ZNF407: variants seen among roughly 807,000 people sequenced by gnomAD.
ZNF407 encodes zinc finger protein 407.
ZNF407 carries 17 observed loss-of-function variants against 131.2 expected under a neutral mutation model. The observed-to-expected ratio is 0.13, with a 90% CI of 0.09 to 0.19. ZNF407 has a LOEUF of 0.19. Among genes scored for constraint, ZNF407 ranks in the 10% least tolerant of loss-of-function variants. The pLI, the probability that ZNF407 is intolerant of heterozygous loss-of-function variation, is 1.00. For synonymous variants in ZNF407, 1,156 were observed against 1,062.0 expected (o/e 1.09, Z -1.72); for missense variants, 2,681 against 2,830.6 (o/e 0.95, Z 1.20).
chr18:74,949,142 A>T lies in ZNF407; in HGVS notation c.5428+28450A>T, dbSNP rs139978689. ...GATAGTACAGAAGAAACTATTTATG[A>T]TATTTTCAGTAGGTACATTTCTTTC... On this transcript the variant is annotated intron_variant, in intron 8 of 8. Coordinates refer to ENST00000299687, the MANE Select transcript of ZNF407 (RefSeq NM_017757.3). Among the ~76,000 whole-genome samples, 143 of 152,360 alleles carry T rather than the reference A, an allele frequency of 9.4e-4. 2 individuals are homozygous for T. The highest frequency in any genetic ancestry group is 3.2e-3 in the African/African-American group (133 of 41,588).
At chr18:74,617,085 A>T (rs1599132844) in intron 1 of ZNF407, among the ~76,000 whole-genome samples, 28 of 73,074 alleles carry the variant, frequency 3.8e-4, no homozygotes, top group East Asian at 3.7e-4. Context: ...ACACATCCAT[A>T]TCCATGCACC....
At chr18:74,941,754 A>G (rs1455613651) in intron 8 of ZNF407, among the ~76,000 whole-genome samples, 1 of 152,184 alleles carries the variant, frequency 6.6e-6, no homozygotes. Context: ...GTAGGCTAGG[A>G]TACTTAGCTT....
intron 4 of ZNF407, among the ~76,000 whole-genome samples, chr18:74,798,111 A>C (rs1235665227): frequency 6.6e-6 from 1 of 152,028 alleles, no homozygotes; most frequent in Non-Finnish European, 1.5e-5. Flanking sequence ...TCTGAATCAT[A>C]AAATACAAAC....
At position 74,634,623 on chromosome 18, in the gene ZNF407, A is replaced by T. The variant is rs1302092964; in HGVS notation, c.3604A>T (p.Asn1202Tyr). The T allele has an allele frequency of 6.2e-7, 1 of 1,613,966 alleles. No homozygotes were observed. The highest frequency in any genetic ancestry group is 2.2e-5 in the East Asian group (1 of 44,874). Residue 1202 changes from asparagine to tyrosine, a missense_variant, in exon 2 of 9, where the codon AAT (asparagine) becomes TAT (tyrosine). This residue lies in a region of ZNF407 where 1,789 missense variants were observed against 1,748.7 expected (regional missense o/e 1.02). Transcript: ENST00000299687. The part of the protein sequence containing the change: ...YGSPSRFQNE[N>Y]SGSSALNCET... Reference sequence around the variant, plus strand: ...CTCCCCAAGCAGATTTCAAAATGAAAATTCAGGAAGCTCTGCCTTAAATTG... The same window carrying T: ...CTCCCCAAGCAGATTTCAAAATGAATATTCAGGAAGCTCTGCCTTAAATTG...
intron 3 of ZNF407, among the ~76,000 whole-genome samples, chr18:74,687,519 T>C (rs535432129): frequency 1.3e-5 from 2 of 151,892 alleles, no homozygotes; most frequent in Non-Finnish European, 1.5e-5. Context: ...AGAGAAGAGA[T>C]TTACTATATT....
chr18:75,060,733 C>A (rs549180272), intron 8 of ZNF407, among the ~76,000 whole-genome samples: 9 of 151,830 alleles, frequency 5.9e-5, no homozygotes, highest in South Asian at 4.2e-4. Flanking sequence ...TCTCGATCTC[C>A]TGACCTCGTG....
intron 8 of ZNF407, among the ~76,000 whole-genome samples, chr18:74,945,534 C>T (rs1019969897): frequency 1.3e-5 from 2 of 152,036 alleles, no homozygotes; most frequent in Non-Finnish European, 2.9e-5. Flanking sequence ...TTTAATATGT[C>T]GCAGTTAGAA....
intron 8 of ZNF407, among the ~76,000 whole-genome samples, chr18:75,040,647 T>C (rs541753042): frequency 9.2e-5 from 14 of 152,360 alleles, no homozygotes; most frequent in Middle Eastern, 6.8e-3. Flanking sequence ...TGTGATACTC[T>C]GCAGATAGAC....
intron 7 of ZNF407, among the ~76,000 whole-genome samples, chr18:74,894,652 G>A (rs1344397169): frequency 6.6e-6 from 1 of 151,914 alleles, no homozygotes; most frequent in Non-Finnish European, 1.5e-5. Context: ...TGATTTATAG[G>A]GGATATATAA....
chr18:74,999,637 TA>T, intron 8 of ZNF407, among the ~76,000 whole-genome samples: 1 of 152,354 alleles, frequency 6.6e-6, no homozygotes, highest in South Asian at 2.1e-4. Context: ...TCAAATCTCA[TA>T]AAGATTGCTG....
intron 8 of ZNF407, among the ~76,000 whole-genome samples, chr18:74,980,737 A>G (rs978318863): frequency 1.3e-5 from 2 of 152,170 alleles, no homozygotes; most frequent in Non-Finnish European, 2.9e-5. Context: ...ATTTTTTTAC[A>G]TAAGAATATG....
intron 3 of ZNF407, among the ~76,000 whole-genome samples, chr18:74,687,909 G>A (rs1196189440): frequency 1.3e-5 from 2 of 151,952 alleles, no homozygotes; most frequent in African/African-American, 4.8e-5. Flanking sequence ...TCTTACTACT[G>A]TTAATTAATA....
Position 74,625,852 on chromosome 18 carries a change from A to T in ZNF407, c.-53-5115A>T, listed in dbSNP as rs78692378. On this transcript the variant is annotated intron_variant, in intron 1 of 8. Transcript: ENST00000299687. ...CTTGGAACTGTTCTAGGCTCTTGGG[A>T]TATATGGCTGGATAAAATAAATCAT... Among the ~76,000 whole-genome samples, 584 of 152,320 alleles carry T rather than the reference A, an allele frequency of 3.8e-3. 1 individual carries two copies. Among genetic ancestry groups the T allele is most frequent in the African/African-American group, 0.013 (554 of 41,570 alleles).
intron 3 of ZNF407, among the ~76,000 whole-genome samples, chr18:74,767,698 G>C (rs1241393467): frequency 7.3e-6 from 1 of 137,400 alleles, no homozygotes; most frequent in African/African-American, 2.7e-5. Flanking sequence ...CTGTTGCCCA[G>C]GCTGGAATGC....
At chr18:75,023,993 G>T (rs1169856118) in intron 8 of ZNF407, among the ~76,000 whole-genome samples, 1 of 152,172 alleles carries the variant, frequency 6.6e-6, no homozygotes, top group Non-Finnish European at 1.5e-5. Context: ...TTTCGATCTA[G>T]AGGCCTGGGT....
At chr18:74,711,497 T>C (rs1474319746) in intron 3 of ZNF407, among the ~76,000 whole-genome samples, 1 of 152,176 alleles carries the variant, frequency 6.6e-6, no homozygotes, top group Non-Finnish European at 1.5e-5. Context: ...GAAGGGGCCA[T>C]GAGCCAGCAA....
chr18:74,803,817 A>G, intron 4 of ZNF407: 1 of 742,934 alleles, frequency 1.3e-6, no homozygotes, highest in Non-Finnish European at 2.2e-6. Context: ...GACAGAGATA[A>G]TGTGGTTTTT....
chr18:74,622,319 C>T (rs1364942077), intron 1 of ZNF407, among the ~76,000 whole-genome samples: 3 of 152,182 alleles, frequency 2.0e-5, no homozygotes, highest in Non-Finnish European at 2.9e-5. Context: ...AGTCAGCTGA[C>T]GTGACAGATG....
intron 8 of ZNF407, among the ~76,000 whole-genome samples, chr18:75,053,942 C>T (rs1973531586): frequency 6.6e-6 from 1 of 152,240 alleles, no homozygotes; most frequent in African/African-American, 2.4e-5. Flanking sequence ...CAGCCTTGCC[C>T]AGCCAGTGGT....
Sources: gnomAD v4.1 joint callset for allele counts (sites outside exome capture counted in the v4.1 genomes callset) on GRCh38, gnomAD v4.1.1 for gene constraint, gnomAD v4.1.1 regional missense constraint, MANE v1.5 for transcripts, NCBI Gene and HGNC (gene_info 2026-07-23, HGNC 2026-07-21) for gene names.